ZMIZ2: variants seen among roughly 807,000 people sequenced by gnomAD.
The protein encoded by ZMIZ2 is zinc finger MIZ-type containing 2.
ZMIZ2 carries 26 observed loss-of-function variants against 93.9 expected under a neutral mutation model. That is an observed-to-expected ratio of 0.28 (90% CI 0.20 to 0.38). The LOEUF is 0.38. Among genes scored for constraint, ZMIZ2 ranks in the 10% least tolerant of loss-of-function variants. ZMIZ2 has a pLI of 1.00. For missense variants in ZMIZ2, 1,023 were observed against 1,235.0 expected, an observed-to-expected ratio of 0.83 and a Z score of 2.57; for synonymous variants, 485 against 516.4, an observed-to-expected ratio of 0.94 and a Z score of 0.82.
In ZMIZ2 at chr7:44,768,256, A is replaced by T. The variant is rs541277922; in HGVS notation, c.*633A>T. 1.3e-5 allele frequency: 2 copies of T among 156,182 alleles called. No individual in the cohort carries two copies. The highest frequency in any genetic ancestry group is 1.3e-4 in the Admixed American group (2 of 15,716). 9.7% of individuals were successfully genotyped at this position (156,182 alleles called of 1,614,324 possible). On this transcript the variant is annotated 3_prime_UTR_variant, in exon 19 of 19. Coordinates refer to ENST00000309315, the MANE Select transcript of ZMIZ2 (RefSeq NM_031449.4). The stretch of plus-strand genomic sequence containing the variant: ...GGAGCTACAAAGCACAACAATGTAC[A>T]TAGTGTAGAAACACTAACAGCTGGG...
Position 44,769,051 on chromosome 7 carries a change from G to A in ZMIZ2, c.*1428G>A, listed in dbSNP as rs56077345. The A allele has an allele frequency of 6.5e-6, 1 of 152,742 alleles. No individual in the cohort carries two copies. The highest frequency in any genetic ancestry group is 2.4e-5 in the African/African-American group (1 of 41,466). The allele number at this position is 152,742 out of a possible 1,614,324, so 9.5% of individuals were successfully genotyped here. On this transcript the variant is annotated 3_prime_UTR_variant, in exon 19 of 19. Transcript: ENST00000309315. ...TTTGGCAGCCCCAGCCCAGCCAGGGGCTCATCCTTCTCAGCTCTTGTCCCT... is the reference window on the plus strand; with the variant it reads ...TTTGGCAGCCCCAGCCCAGCCAGGGACTCATCCTTCTCAGCTCTTGTCCCT...
chr7:44,757,718 G>T, intron 5 of ZMIZ2, 130 bp from the exon 6 acceptor site: 2 of 1,451,124 alleles, frequency 1.4e-6, no homozygotes, highest in Middle Eastern at 2.6e-4. Context: ...GAGGGTCTGA[G>T]GGGAGAGGTT....
At chr7:44,754,864 A>G (rs967657195) in intron 1 of ZMIZ2, among the ~76,000 whole-genome samples, 2 of 152,218 alleles carry the variant, frequency 1.3e-5, no homozygotes, top group Non-Finnish European at 2.9e-5. Flanking sequence ...CCTGTGCTGC[A>G]GCCAGTGTTC....
intron 8 of ZMIZ2, 79 bp downstream of exon 8, chr7:44,760,307 C>T: frequency 1.3e-6 from 2 of 1,564,580 alleles, no homozygotes; most frequent in East Asian, 2.3e-5. Context: ...GGCAGGCACC[C>T]CTGGGGCCGC....
chr7:44,761,857 C>T lies in ZMIZ2; in HGVS notation c.1548C>T (p.Cys516=), dbSNP rs2116822814. The stretch of plus-strand genomic sequence containing the variant: ...AGCCACTCTACCTGAAGCATGTGTG[C>T]CAGCCAGGCCGCAACACCATCCAGA... The part of the protein sequence containing the change: ...SHKPLYLKHV[C]QPGRNTIQIT... The change falls in exon 11 of 19, where the codon TGC becomes TGT. Residue 516 remains cysteine (C), a synonymous_variant. Coordinates refer to ENST00000309315, the MANE Select transcript of ZMIZ2 (RefSeq NM_031449.4). The surrounding 1 kb of genome is among the most constrained non-coding windows in gnomAD (Gnocchi z 5.8). 2 of 1,613,988 alleles carry T rather than the reference C, an allele frequency of 1.2e-6. No individual in the cohort carries two copies. Among genetic ancestry groups the T allele is most frequent in the African/African-American group, 1.3e-5 (1 of 75,080 alleles).
rs1295807867 is a variant in ZMIZ2 at position 44,756,225 on chromosome 7, C to T, written c.-25C>T. On this transcript the variant is annotated 5_prime_UTR_variant, in exon 2 of 19. Coordinates refer to ENST00000309315, the MANE Select transcript of ZMIZ2 (RefSeq NM_031449.4). ...AGTTCCAGATAAAAACTGTCAGACC[C>T]GGCCTGTAGGCTGCTCCATTGCCAA... 18 of 1,613,884 alleles carry T rather than the reference C, an allele frequency of 1.1e-5. No homozygotes were observed. Among genetic ancestry groups the T allele is most frequent in the Non-Finnish European group, 1.4e-5 (16 of 1,179,998 alleles).
At chr7:44,754,158 G>C (rs1186850134) in intron 1 of ZMIZ2, among the ~76,000 whole-genome samples, 1 of 152,216 alleles carries the variant, frequency 6.6e-6, no homozygotes, top group African/African-American at 2.4e-5. Flanking sequence ...GCTGTTGGCA[G>C]GTTCCTCTGT....
chr7:44,764,124 C>T (rs778719722), intron 13 of ZMIZ2, among the ~76,000 whole-genome samples: 2 of 152,042 alleles, frequency 1.3e-5, no homozygotes, highest in Non-Finnish European at 2.9e-5. Context: ...GGTGACAGAG[C>T]GAGACTCTTG....
rs111273294 is a variant in ZMIZ2 at position 44,761,026 on chromosome 7, C to G, written c.1241-423C>G. Among the ~76,000 whole-genome samples, 675 of 152,258 alleles carry G rather than the reference C, an allele frequency of 4.4e-3. 4 individuals carry two copies. The highest frequency in any genetic ancestry group is 0.014 in the African/African-American group (602 of 41,528). The stretch of plus-strand genomic sequence containing the variant: ...CAGGGGATTTATGAACCCCGGAAGC[C>G]CATTCCAGGGAGACCACAGCAGCAG... On this transcript the variant is annotated intron_variant, in intron 9 of 18. Transcript: ENST00000309315. This position sits in a 1 kb window ranked among gnomAD's most constrained non-coding sequence, Gnocchi z 5.8.
In ZMIZ2 at chr7:44,759,333, C is replaced by A. The variant is rs762229182; in HGVS notation, c.866C>A (p.Ala289Asp). 6.2e-7 allele frequency: 1 copy of A among 1,604,338 alleles called. No homozygotes were observed. Among genetic ancestry groups the A allele is most frequent in the Non-Finnish European group, 8.5e-7 (1 of 1,175,664 alleles). Residue 289 changes from alanine (A) to aspartate (D), a missense_variant, in exon 7 of 19, where the codon GCC becomes GAC. By Grantham distance (126) the Ala-to-Asp change is moderately radical. Transcript: ENST00000309315. ...LQGGQYAPST[A>D]QFAPSPGQPP... is the part of the protein sequence containing the mutation. ...GGAGGCCAGTATGCACCCAGCACCG[C>A]CCAGTTTGCGCCCAGCCCTGGGCAG...
intron 5 of ZMIZ2, 110 bp from the exon 6 acceptor site, chr7:44,757,738 T>A: frequency 7.8e-7 from 1 of 1,274,174 alleles, no homozygotes. Context: ...TTCTGGGGTG[T>A]CCTGTGAAAG....
chr7:44,760,120 C>G, intron 7 of ZMIZ2, 31 bp from the exon 8 acceptor site: 2 of 1,613,544 alleles, frequency 1.2e-6, no homozygotes, highest in Non-Finnish European at 1.7e-6. Context: ...CAGGTTGGAG[C>G]CCCAGGTGCA....
rs1791876774 is a variant in ZMIZ2, at chr7:44,767,896, C to T, written c.*273C>T. On this transcript the variant is annotated 3_prime_UTR_variant, in exon 19 of 19. Transcript: ENST00000309315. ...TTTTGCTGAGGTGCCCCTGCCCAGC[C>T]CTGTCCAGCCTTGTCCACACACACA... 3.8e-6 allele frequency: 2 copies of T among 519,634 alleles called. No homozygotes were observed. The highest frequency in any genetic ancestry group is 2.0e-5 in the African/African-American group (1 of 49,866). The allele number at this position is 519,634 out of a possible 1,614,324, so 32.2% of individuals were successfully genotyped here. A position where few individuals can be genotyped will look rare whatever the true frequency, so the allele number is the denominator to read the frequency against.
rs907733219 is a variant in ZMIZ2 at position 44,768,695 on chromosome 7, C to T, written c.*1072C>T. ...ATTAAAGGACTCCCTCTTGGTGGGC[C>T]TGGCCGAGTCCCTCCTTTGTGCTCC... On this transcript the variant is annotated 3_prime_UTR_variant, in exon 19 of 19. Transcript: ENST00000309315. The T allele has an allele frequency of 5.3e-5, 8 of 152,188 alleles. No individual in the cohort carries two copies. Among genetic ancestry groups the T allele is most frequent in the African/African-American group, 1.7e-4 (7 of 41,420 alleles). The allele number at this position is 152,188 out of a possible 1,614,324, so 9.4% of individuals were successfully genotyped here. A position where few individuals can be genotyped will look rare whatever the true frequency, so the allele number is the denominator to read the frequency against.
chr7:44,763,275 C>T lies in ZMIZ2; in HGVS notation c.1722C>T (p.Ser574=), dbSNP rs750835591. 55 of 1,613,864 alleles carry T rather than the reference C, an allele frequency of 3.4e-5. 1 individual carries two copies. Among genetic ancestry groups the T allele is most frequent in the African/African-American group, 6.7e-5 (5 of 74,878 alleles). Residue 574 remains serine (S), a synonymous_variant, in exon 13 of 19, where the codon AGC becomes AGT. Transcript: ENST00000309315. This position sits in a 1 kb window ranked among gnomAD's most constrained non-coding sequence, Gnocchi z 5.6. The part of the protein sequence containing the change: ...CITKIKRNFS[S]GTIPGTPGPN... ...TGTCAGTAAAGCGGAACTTCAGCAGCGGCACCATCCCTGGCACCCCTGGGC... is the reference window on the plus strand; with the variant it reads ...TGTCAGTAAAGCGGAACTTCAGCAGTGGCACCATCCCTGGCACCCCTGGGC...
chr7:44,754,886 G>A (rs1042018396), intron 1 of ZMIZ2, among the ~76,000 whole-genome samples: 1 of 152,198 alleles, frequency 6.6e-6, no homozygotes, highest in Non-Finnish European at 1.5e-5. Context: ...TCTGTGGATA[G>A]CCTAGGCAGG....
Position 44,761,308 on chromosome 7 carries a change from C to A in ZMIZ2, c.1241-141C>A. 1 of 1,348,724 alleles carries A rather than the reference C, an allele frequency of 7.4e-7. No homozygotes were observed. The highest frequency in any genetic ancestry group is 1.4e-5 in the South Asian group (1 of 69,296). 83.5% of individuals were successfully genotyped at this position (1,348,724 alleles called of 1,614,324 possible). A position where few individuals can be genotyped will look rare whatever the true frequency, so the allele number is the denominator to read the frequency against. ...AGCCCCAGGGCACCACTCAGGCCTG[C>A]CAAGCAGTGCCTGACAGGAGGGGCT... On this transcript the variant is annotated intron_variant, in intron 9 of 18. Transcript: ENST00000309315. This position sits in a 1 kb window ranked among gnomAD's most constrained non-coding sequence, Gnocchi z 5.8.
intron 7 of ZMIZ2, 83 bp from the exon 8 acceptor site, chr7:44,760,068 T>C: frequency 7.2e-7 from 1 of 1,398,152 alleles, no homozygotes; most frequent in Non-Finnish European, 1.0e-6. Context: ...AGACCGTGTA[T>C]GGTGGGCTTC....
At chr7:44,760,053 A>T in intron 7 of ZMIZ2, 98 bp from the exon 8 acceptor site, 1 of 1,226,828 alleles carries the variant, frequency 8.2e-7, no homozygotes, top group Non-Finnish European at 1.2e-6. Context: ...AAGAGAGTGT[A>T]AAGAAGACCG....
Sources: gnomAD v4.1 joint callset for allele counts (sites outside exome capture counted in the v4.1 genomes callset) on GRCh38, gnomAD v4.1.1 for gene constraint, Gnocchi (gnomAD v3.1) non-coding constraint, MANE v1.5 for transcripts, NCBI Gene and HGNC (gene_info 2026-07-23, HGNC 2026-07-21) for gene names.